Variants in B3GLCT observed in about 807,000 individuals in gnomAD.
B3GLCT encodes the protein beta 3-glucosyltransferase.
Under a neutral mutation model 63.4 loss-of-function variants are expected in B3GLCT, and 65 were observed. That is an observed-to-expected ratio of 1.03 (90% CI 0.84 to 1.26). The LOEUF (loss-of-function observed/expected upper bound fraction) is 1.26. B3GLCT is among the 50% of genes most tolerant of loss of function. The pLI is 0.00. For synonymous variants in B3GLCT, 233 were observed against 219.2 expected (o/e 1.06, Z -0.55); for missense variants, 577 against 604.8 (o/e 0.95, Z 0.48).
chr13:31,249,567 G>A (rs1297018001), intron 6 of B3GLCT, among the ~76,000 whole-genome samples: 1 of 152,084 alleles, frequency 6.6e-6, no homozygotes, highest in Non-Finnish European at 1.5e-5. Flanking sequence ...ATTATCCATA[G>A]CTCTAATTCT....
At chr13:31,217,373 T>C (rs1355598484) in intron 2 of B3GLCT, among the ~76,000 whole-genome samples, 2 of 152,170 alleles carry the variant, frequency 1.3e-5, no homozygotes, top group Non-Finnish European at 2.9e-5. Flanking sequence ...AGTTTGCAAA[T>C]ATTTTCTCCC....
intron 12 of B3GLCT, among the ~76,000 whole-genome samples, chr13:31,302,156 C>T (rs1874252495): frequency 1.3e-5 from 2 of 152,188 alleles, no homozygotes; most frequent in South Asian, 4.1e-4. Flanking sequence ...GCTTAGACCA[C>T]AAATTTGATA....
At chr13:31,292,541 G>T (rs1873720883) in intron 12 of B3GLCT, among the ~76,000 whole-genome samples, 1 of 152,122 alleles carries the variant, frequency 6.6e-6, no homozygotes, top group Admixed American at 6.6e-5. Context: ...AGTCTTGGGA[G>T]GGTGTAGGTG....
chr13:31,329,439 C>T lies in B3GLCT; in HGVS notation c.1330-62C>T, dbSNP rs921981357. The T allele has an allele frequency of 3.2e-6, 5 of 1,587,166 alleles. No individual in the cohort carries two copies. In the African/African-American group the frequency reaches 4.0e-5, roughly 13 times the overall value. ...GCAGTCCACTTTATAAATTCAAATG[C>T]TCTTCTGCAGCAAAATTATATTCAA... On this transcript the variant is annotated intron_variant, in intron 14 of 14. Coordinates refer to ENST00000343307, the MANE Select transcript of B3GLCT (RefSeq NM_194318.4).
chr13:31,315,904 A>G (rs1369163023), intron 12 of B3GLCT, among the ~76,000 whole-genome samples: 1 of 152,240 alleles, frequency 6.6e-6, no homozygotes, highest in Non-Finnish European at 1.5e-5. Flanking sequence ...AAAAGGGGCC[A>G]AGGTACAGCT....
At chr13:31,321,838 ATT>A (rs11296626) in intron 13 of B3GLCT, among the ~76,000 whole-genome samples, 4 of 151,494 alleles carry the variant, frequency 2.6e-5, no homozygotes, top group African/African-American at 7.3e-5. Flanking sequence ...TTGAATGACC[ATT>A]TTTTTTTTAT....
intron 1 of B3GLCT, among the ~76,000 whole-genome samples, chr13:31,214,617 G>T (rs1163010968): frequency 3.3e-5 from 5 of 152,186 alleles, no homozygotes; most frequent in African/African-American, 1.2e-4. Context: ...TCCAAATTTA[G>T]CTCTGTTGCC....
chr13:31,327,352 CAG>C (rs942443516), intron 14 of B3GLCT, among the ~76,000 whole-genome samples: 10 of 152,284 alleles, frequency 6.6e-5, no homozygotes, highest in African/African-American at 1.7e-4. Flanking sequence ...TCTAGCGACT[CAG>C]GGGCAGGGAG....
At chr13:31,314,191 G>A (rs1418386574) in intron 12 of B3GLCT, among the ~76,000 whole-genome samples, 1 of 152,178 alleles carries the variant, frequency 6.6e-6, no homozygotes, top group Non-Finnish European at 1.5e-5. Context: ...TATGAGGTCA[G>A]AGCCCCCACA....
intron 7 of B3GLCT, among the ~76,000 whole-genome samples, chr13:31,264,011 C>G (rs1872170668): frequency 1.3e-5 from 2 of 152,146 alleles, no homozygotes; most frequent in Non-Finnish European, 2.9e-5. Flanking sequence ...CTGGCAGATT[C>G]AGTGTCTGGT....
chr13:31,202,304 A>G (rs1593240380), intron 1 of B3GLCT, among the ~76,000 whole-genome samples: 1 of 152,212 alleles, frequency 6.6e-6, no homozygotes, highest in Non-Finnish European at 1.5e-5. Context: ...CTTTGGTTCT[A>G]AAGTCTGGCA....
At chr13:31,219,364 T>C (rs1218206667) in intron 2 of B3GLCT, among the ~76,000 whole-genome samples, 6 of 152,292 alleles carry the variant, frequency 3.9e-5, no homozygotes, top group East Asian at 1.9e-4. Flanking sequence ...AATCCAAATT[T>C]TCTGAATCAT....
At chr13:31,223,663 G>A (rs554273960) in intron 3 of B3GLCT, among the ~76,000 whole-genome samples, 1 of 152,316 alleles carries the variant, frequency 6.6e-6, no homozygotes, top group Admixed American at 6.5e-5. Flanking sequence ...AGTGTGTAAG[G>A]CCACACCTCT....
intron 4 of B3GLCT, among the ~76,000 whole-genome samples, chr13:31,235,837 A>G (rs966212728): frequency 6.6e-6 from 1 of 151,606 alleles, no homozygotes; most frequent in Non-Finnish European, 1.5e-5. Flanking sequence ...CCCTACCCCA[A>G]CCCCTGGCTA....
chr13:31,329,374 C>A, intron 14 of B3GLCT, 127 bp from the exon 15 acceptor site: 2 of 1,099,642 alleles, frequency 1.8e-6, no homozygotes, highest in Non-Finnish European at 1.4e-6. Context: ...TTCCTTTTTG[C>A]TTTTAGATTC....
At chr13:31,249,466 T>C (rs1053663141) in intron 6 of B3GLCT, among the ~76,000 whole-genome samples, 1 of 152,240 alleles carries the variant, frequency 6.6e-6, no homozygotes, top group African/African-American at 2.4e-5. Context: ...TTATGTTTCC[T>C]TTTGGCTTGG....
At chr13:31,290,624 T>C (rs1873606615) in intron 12 of B3GLCT, among the ~76,000 whole-genome samples, 1 of 152,114 alleles carries the variant, frequency 6.6e-6, no homozygotes, top group Non-Finnish European at 1.5e-5. Flanking sequence ...TGATGAGCTT[T>C]TTTTCATATG....
At chr13:31,321,271 A>G (rs1875316897) in intron 13 of B3GLCT, among the ~76,000 whole-genome samples, 2 of 152,234 alleles carry the variant, frequency 1.3e-5, no homozygotes, top group Non-Finnish European at 2.9e-5. Flanking sequence ...TCTTACATCA[A>G]CCTTTGATAA....
chr13:31,306,748 A>T, intron 12 of B3GLCT, among the ~76,000 whole-genome samples: 1 of 25,486 alleles, frequency 3.9e-5, no homozygotes, highest in South Asian at 2.4e-3. Flanking sequence ...GAAAATGGCC[A>T]TACTGCCCAA....
Sources: gnomAD v4.1 joint callset for allele counts (sites outside exome capture counted in the v4.1 genomes callset) on GRCh38, gnomAD v4.1.1 for gene constraint, MANE v1.5 for transcripts, NCBI Gene and HGNC (gene_info 2026-07-23, HGNC 2026-07-21) for gene names.